HASPIN: variants seen among roughly 807,000 people sequenced by gnomAD.
The protein encoded by HASPIN is serine/threonine-protein kinase haspin.
HASPIN carries 24 observed loss-of-function variants against 28.8 expected under a neutral mutation model. The ratio of observed to expected loss-of-function variants is 0.83; its 90% CI spans 0.60 to 1.17. The LOEUF (loss-of-function observed/expected upper bound fraction) is 1.17. Ranked by LOEUF, HASPIN falls within the 50% of genes most tolerant of loss-of-function variation. HASPIN has a pLI of 0.00. For synonymous variants in HASPIN, 440 were observed against 413.1 expected (o/e 1.07, Z -0.79); for missense variants, 1,016 against 1,018.5 (o/e 1.00, Z 0.03).
chr17:3,726,171 C>A lies in HASPIN; in HGVS notation c.2236C>A (p.His746Asn). The A allele has an allele frequency of 1.2e-6, 2 of 1,614,190 alleles. No homozygotes were observed. The highest frequency in any genetic ancestry group is 1.7e-6 in the Non-Finnish European group (2 of 1,180,032). The change falls in exon 1 of 1, where the codon CAT becomes AAT. Residue 746 changes from histidine (H) to asparagine (N), a missense_variant. Coordinates refer to ENST00000325418, the MANE Select transcript of HASPIN (RefSeq NM_031965.2). Reference sequence around the variant, plus strand: ...CCCTTATAGTAATGTGCTCTGGTTACATTACCTGACAGACAAGATGCTGAA... The same window carrying A: ...CCCTTATAGTAATGTGCTCTGGTTAAATTACCTGACAGACAAGATGCTGAA... Reference protein sequence around the residue: ...YHPYSNVLWLHYLTDKMLKQM... With the variant: ...YHPYSNVLWLNYLTDKMLKQM...
Position 3,724,346 on chromosome 17 carries a change from C to T in HASPIN, c.411C>T (p.Pro137=). Reference sequence around the variant, plus strand: ...CCTGCGGCCCGCTCCGACTTCCGCCCTTCCCCAGCCGCGACTCCGGCCGCC... The same window carrying T: ...CCTGCGGCCCGCTCCGACTTCCGCCTTTCCCCAGCCGCGACTCCGGCCGCC... ...STPCGPLRLP[P]FPSRDSGRLS... Residue 137 remains proline (P), a synonymous_variant, in exon 1 of 1, where the codon CCC becomes CCT. Coordinates refer to ENST00000325418, the MANE Select transcript of HASPIN (RefSeq NM_031965.2). The T allele has an allele frequency of 1.3e-6, 2 of 1,596,434 alleles. No homozygotes were observed. The highest frequency in any genetic ancestry group is 2.2e-5 in the South Asian group (2 of 89,904).
Position 3,725,865 on chromosome 17 carries a change from C to G in HASPIN, c.1930C>G (p.Arg644Gly). ...CCTCGCAGTGGCAGAGGCATCACTG[C>G]GCTTTGAGCACCGAGACTTACACTG... is the stretch of plus-strand genomic sequence containing the variant. ...ASLAVAEASL[R>G]FEHRDLHWGN... The change falls in exon 1 of 1, where the codon CGC becomes GGC. Residue 644 changes from arginine (R) to glycine (G), a missense_variant. This residue lies in a region of HASPIN where 881 missense variants were observed against 845.5 expected (regional missense o/e 1.04). Transcript: ENST00000325418. 1 of 1,599,934 alleles carries G rather than the reference C, an allele frequency of 6.3e-7. No individual in the cohort carries two copies. Among genetic ancestry groups the G allele is most frequent in the African/African-American group, 1.4e-5 (1 of 71,550 alleles).
Position 3,723,950 on chromosome 17 carries a change from C to G in HASPIN, c.15C>G (p.Leu5=). MAAS[L]PGPGSRLFRT... is the part of the protein sequence containing the mutation. The stretch of plus-strand genomic sequence containing the variant: ...GGGTGCCGGCCATGGCGGCTTCGCT[C>G]CCGGGACCTGGGAGCCGGCTTTTCC... The change falls in exon 1 of 1, where the codon CTC becomes CTG. Residue 5 remains leucine (L), a synonymous_variant. Coordinates refer to ENST00000325418, the MANE Select transcript of HASPIN (RefSeq NM_031965.2). 6.4e-7 allele frequency: 1 copy of G among 1,561,368 alleles called. No homozygotes were observed. Among genetic ancestry groups the G allele is most frequent in the Non-Finnish European group, 8.7e-7 (1 of 1,153,014 alleles).
In HASPIN at chr17:3,724,276, G is replaced by C. The variant is rs2143008034; in HGVS notation, c.341G>C (p.Arg114Thr). 6.3e-7 allele frequency: 1 copy of C among 1,589,328 alleles called. No individual in the cohort carries two copies. Among genetic ancestry groups the C allele is most frequent in the African/African-American group, 1.3e-5 (1 of 74,690 alleles). The change falls in exon 1 of 1, where the codon AGA (arginine) becomes ACA (threonine). Residue 114 changes from arginine to threonine, a missense_variant. Coordinates refer to ENST00000325418, the MANE Select transcript of HASPIN (RefSeq NM_031965.2). ...CGCCCAAGCCTAACCGTGACCCCAAGACGCCTGGGGCTGCGAGCTCGGCCC... is the reference window on the plus strand; with the variant it reads ...CGCCCAAGCCTAACCGTGACCCCAACACGCCTGGGGCTGCGAGCTCGGCCC... Reference protein sequence around the residue: ...RARPSLTVTPRRLGLRARPPQ... With the variant: ...RARPSLTVTPTRLGLRARPPQ...
chr17:3,725,703 C>T lies in HASPIN; in HGVS notation c.1768C>T (p.Arg590Trp), dbSNP rs780295707. 1.3e-5 allele frequency: 20 copies of T among 1,574,356 alleles called. No homozygotes were observed. Among genetic ancestry groups the T allele is most frequent in the South Asian group, 2.4e-5 (2 of 84,462 alleles). ...TTCAACCAAAGGCTCTGCAAATGAC[C>T]GGCCTGATTTTTTTAAAGACGACCA... ...YNSTKGSAND[R>W]PDFFKDDQLF... Residue 590 changes from arginine (R) to tryptophan (W), a missense_variant, in exon 1 of 1, where the codon CGG becomes TGG. This residue lies in a region of HASPIN where 881 missense variants were observed against 845.5 expected (regional missense o/e 1.04). Coordinates refer to ENST00000325418, the MANE Select transcript of HASPIN (RefSeq NM_031965.2).
chr17:3,726,552 G>C lies in HASPIN; in HGVS notation c.*220G>C, dbSNP rs1266886299. 1.8e-6 allele frequency: 1 copy of C among 547,856 alleles called. No individual in the cohort carries two copies. Among genetic ancestry groups the C allele is most frequent in the Non-Finnish European group, 3.3e-6 (1 of 306,200 alleles). 33.9% of individuals were successfully genotyped at this position (547,856 alleles called of 1,614,324 possible). ...GTTCTGAAAGAAGTAAACTAGCCGG[G>C]CACAGTGGCGTGCGCCTGTAGTCCC... On this transcript the variant is annotated 3_prime_UTR_variant, in exon 1 of 1. Transcript: ENST00000325418.
At position 3,725,395 on chromosome 17, in the gene HASPIN, G is replaced by C; in HGVS notation, c.1460G>C (p.Cys487Ser). 1 of 1,614,234 alleles carries C rather than the reference G, an allele frequency of 6.2e-7. No homozygotes were observed. The highest frequency in any genetic ancestry group is 8.5e-7 in the Non-Finnish European group (1 of 1,180,038). The change falls in exon 1 of 1, where the codon TGT becomes TCT. Residue 487 changes from cysteine (C) to serine (S), a missense_variant. Physicochemically the swap from Cys to Ser is moderately radical, Grantham distance 112. Coordinates refer to ENST00000325418, the MANE Select transcript of HASPIN (RefSeq NM_031965.2). ...CTTCCCACAGAAAAACTGCAACGCT[G>C]TGAGAAGATTGGGGAAGGGGTGTTT... is the stretch of plus-strand genomic sequence containing the variant. The part of the protein sequence containing the change: ...HCLPTEKLQR[C>S]EKIGEGVFGE...
chr17:3,726,487 G>C lies in HASPIN; in HGVS notation c.*155G>C. ...AGAATTTTGTTTCCAAATGGAAACTGAAATATTTGTTGAAATGTTTAAATT... is the reference window on the plus strand; with the variant it reads ...AGAATTTTGTTTCCAAATGGAAACTCAAATATTTGTTGAAATGTTTAAATT... On this transcript the variant is annotated 3_prime_UTR_variant, in exon 1 of 1. Coordinates refer to ENST00000325418, the MANE Select transcript of HASPIN (RefSeq NM_031965.2). The C allele has an allele frequency of 1.6e-6, 1 of 617,942 alleles. No individual in the cohort carries two copies. Among genetic ancestry groups the C allele is most frequent in the Non-Finnish European group, 2.9e-6 (1 of 342,642 alleles). 38.3% of individuals were successfully genotyped at this position (617,942 alleles called of 1,614,324 possible).
chr17:3,725,267 A>G lies in HASPIN; in HGVS notation c.1332A>G (p.Leu444=), dbSNP rs1438919256. The change falls in exon 1 of 1, where the codon CTA becomes CTG. Residue 444 remains leucine (L), a synonymous_variant. Coordinates refer to ENST00000325418, the MANE Select transcript of HASPIN (RefSeq NM_031965.2). ...GGCACTCCTCCTCTATGTATTTGCT[A>G]AGCCCCTTAAACACTCTAAGTATTT... The part of the protein sequence containing the change: ...SSWHSSSMYL[L]SPLNTLSISN... 1 of 1,614,206 alleles carries G rather than the reference A, an allele frequency of 6.2e-7. No individual in the cohort carries two copies. The highest frequency in any genetic ancestry group is 2.2e-5 in the East Asian group (1 of 44,888).
chr17:3,724,719 G>C lies in HASPIN; in HGVS notation c.784G>C (p.Asp262His). 2 of 1,614,262 alleles carry C rather than the reference G, an allele frequency of 1.2e-6. No individual in the cohort carries two copies. The highest frequency in any genetic ancestry group is 1.7e-6 in the Non-Finnish European group (2 of 1,180,048). ...GTPEDSEFRA[D>H]GKNMRESCCK... ...CCCTGAGGATTCTGAGTTTCGGGCAGATGGGAAGAATATGAGAGAGTCCTG... is the reference window on the plus strand; with the variant it reads ...CCCTGAGGATTCTGAGTTTCGGGCACATGGGAAGAATATGAGAGAGTCCTG... The change falls in exon 1 of 1, where the codon GAT becomes CAT. Residue 262 changes from aspartate to histidine, a missense_variant. Physicochemically the swap from Asp to His is moderately conservative, Grantham distance 81 (BLOSUM62 -1). Coordinates refer to ENST00000325418, the MANE Select transcript of HASPIN (RefSeq NM_031965.2).
In HASPIN at chr17:3,726,422, A is replaced by G; in HGVS notation, c.*90A>G. Reference sequence around the variant, plus strand: ...AACCTCCATCCCCACAGGAGGGTGGAACTCCCATTCTCACAGGTTTCCAGT... The same window carrying G: ...AACCTCCATCCCCACAGGAGGGTGGGACTCCCATTCTCACAGGTTTCCAGT... On this transcript the variant is annotated 3_prime_UTR_variant, in exon 1 of 1. Coordinates refer to ENST00000325418, the MANE Select transcript of HASPIN (RefSeq NM_031965.2). 1 of 836,366 alleles carries G rather than the reference A, an allele frequency of 1.2e-6. No homozygotes were observed. The highest frequency in any genetic ancestry group is 1.9e-6 in the Non-Finnish European group (1 of 524,316). 51.8% of individuals were successfully genotyped at this position (836,366 alleles called of 1,614,324 possible). A position where few individuals can be genotyped will look rare whatever the true frequency, so the allele number is the denominator to read the frequency against.
rs2051159151 is a variant in HASPIN at position 3,724,525 on chromosome 17, C to A, written c.590C>A (p.Ala197Glu). 1.2e-6 allele frequency: 2 copies of A among 1,613,908 alleles called. No homozygotes were observed. The highest frequency in any genetic ancestry group is 2.7e-5 in the African/African-American group (2 of 74,922). ...ISIGTSACLV[A>E]ASAVPSGLHL... ...ATCGGCACCTCCGCCTGTCTGGTTG[C>A]AGCCTCAGCCGTCCCGAGCGGCCTC... The change falls in exon 1 of 1, where the codon GCA (alanine) becomes GAA (glutamate). Residue 197 changes from alanine (A) to glutamate (E), a missense_variant. Physicochemically the swap from Ala to Glu is moderately radical, Grantham distance 107. Around this residue, in one of 3 missense-constraint regions of HASPIN, gnomAD observed 881 missense variants for 845.5 expected, o/e 1.04. Transcript: ENST00000325418.
rs2051178263 is a variant in HASPIN at position 3,725,179 on chromosome 17, C to T, written c.1244C>T (p.Ser415Phe). ...IYTTATSLSGSLLSECSNRPV... is the reference protein window; with the variant it reads ...IYTTATSLSGFLLSECSNRPV... Reference sequence around the variant, plus strand: ...ACCACTGCCACTTCTCTCTCTGGATCCCTCCTATCAGAATGTTCAAACCGG... The same window carrying T: ...ACCACTGCCACTTCTCTCTCTGGATTCCTCCTATCAGAATGTTCAAACCGG... The change falls in exon 1 of 1, where the codon TCC becomes TTC. Residue 415 changes from serine (S) to phenylalanine (F), a missense_variant. Physicochemically the swap from Ser to Phe is radical, Grantham distance 155 (BLOSUM62 -2). Coordinates refer to ENST00000325418, the MANE Select transcript of HASPIN (RefSeq NM_031965.2). 8 of 1,614,170 alleles carry T rather than the reference C, an allele frequency of 5.0e-6. No individual in the cohort carries two copies. Among genetic ancestry groups the T allele is most frequent in the African/African-American group, 1.3e-5 (1 of 75,048 alleles).
In HASPIN at chr17:3,725,329, G is replaced by A. The variant is rs774562274; in HGVS notation, c.1394G>A (p.Gly465Glu). The change falls in exon 1 of 1, where the codon GGG (glycine) becomes GAG (glutamate). Residue 465 changes from glycine to glutamate, a missense_variant. Gly to Glu is a moderately conservative substitution (Grantham distance 98). Transcript: ENST00000325418. ...GCATCTGATGCTGAAAAGGTTTATGGGGAATGCAGTCAGAAGGGTCCTGTC... is the reference window on the plus strand; with the variant it reads ...GCATCTGATGCTGAAAAGGTTTATGAGGAATGCAGTCAGAAGGGTCCTGTC... ...KKASDAEKVYGECSQKGPVPF... is the reference protein window; with the variant it reads ...KKASDAEKVYEECSQKGPVPF... The A allele has an allele frequency of 6.8e-6, 11 of 1,614,048 alleles. No homozygotes were observed. The highest frequency in any genetic ancestry group is 9.3e-6 in the Non-Finnish European group (11 of 1,180,030).
In HASPIN at chr17:3,724,706, T is replaced by C; in HGVS notation, c.771T>C (p.Ser257=). Residue 257 remains serine (S), a synonymous_variant, in exon 1 of 1, where the codon TCT becomes TCC. Coordinates refer to ENST00000325418, the MANE Select transcript of HASPIN (RefSeq NM_031965.2). ...TGAACTCAGGAACCCCTGAGGATTC[T>C]GAGTTTCGGGCAGATGGGAAGAATA... ...GLMNSGTPED[S]EFRADGKNMR... 1 of 1,614,226 alleles carries C rather than the reference T, an allele frequency of 6.2e-7. No homozygotes were observed. The highest frequency in any genetic ancestry group is 8.5e-7 in the Non-Finnish European group (1 of 1,180,042).
Position 3,723,935 on chromosome 17 carries a change from C to T in HASPIN, c.-1C>T, listed in dbSNP as rs753184115. On this transcript the variant is annotated 5_prime_UTR_variant, in exon 1 of 1. Coordinates refer to ENST00000325418, the MANE Select transcript of HASPIN (RefSeq NM_031965.2). Reference sequence around the variant, plus strand: ...TTTGAACCTCTTGGCGGGTGCCGGCCATGGCGGCTTCGCTCCCGGGACCTG... The same window carrying T: ...TTTGAACCTCTTGGCGGGTGCCGGCTATGGCGGCTTCGCTCCCGGGACCTG... The T allele has an allele frequency of 6.5e-7, 1 of 1,550,098 alleles. No individual in the cohort carries two copies. Among genetic ancestry groups the T allele is most frequent in the African/African-American group, 1.4e-5 (1 of 72,522 alleles).
rs780570031 is a variant in HASPIN, at chr17:3,724,464, C to T, written c.529C>T (p.Pro177Ser). 1.1e-5 allele frequency: 18 copies of T among 1,613,748 alleles called. No individual in the cohort carries two copies. The highest frequency in any genetic ancestry group is 1.4e-5 in the Non-Finnish European group (16 of 1,180,030). Residue 177 changes from proline (P) to serine (S), a missense_variant, in exon 1 of 1, where the codon CCC (proline) becomes TCC (serine). This residue lies in a region of HASPIN where 881 missense variants were observed against 845.5 expected (regional missense o/e 1.04). Transcript: ENST00000325418. ...GTTCAGCTCTCTGGCCTCGCCCTGC[C>T]CCGGGTCCCCAACGCCAAGGGACAG... ...SLFSSLASPCPGSPTPRDSVI... is the reference protein window; with the variant it reads ...SLFSSLASPCSGSPTPRDSVI...
Position 3,725,502 on chromosome 17 carries a change from GGA to G in HASPIN, c.1568_1569del (p.Gly523ValfsTer7). 1 of 1,614,172 alleles carries G rather than the reference GGA, an allele frequency of 6.2e-7. No individual in the cohort carries two copies. ...IAIEGPDLVN[G>X]SHQKTFEEIL... Reference sequence around the variant, plus strand: ...TATTGAAGGACCAGATTTAGTCAATGGATCCCATCAGAAAACCTTTGAGGAAA... The same window carrying G: ...TATTGAAGGACCAGATTTAGTCAATGTCCCATCAGAAAACCTTTGAGGAAA... On this transcript the variant is annotated frameshift_variant, in exon 1 of 1. Transcript: ENST00000325418. LOFTEE classifies it high-confidence loss of function.
Position 3,726,024 on chromosome 17 carries a change from G to T in HASPIN, c.2089G>T (p.Gly697Trp). The T allele has an allele frequency of 6.2e-7, 1 of 1,614,134 alleles. No homozygotes were observed. The highest frequency in any genetic ancestry group is 8.5e-7 in the Non-Finnish European group (1 of 1,180,042). ...CACCCTGTCGCGCTTGGAACGGGAT[G>T]GGATTGTGGTTTTCTGTGACGTTTC... ...DYTLSRLERD[G>W]IVVFCDVSMD... is the part of the protein sequence containing the mutation. The change falls in exon 1 of 1, where the codon GGG becomes TGG. Residue 697 changes from glycine to tryptophan, a missense_variant. Physicochemically the swap from Gly to Trp is radical, Grantham distance 184 (BLOSUM62 -2). Coordinates refer to ENST00000325418, the MANE Select transcript of HASPIN (RefSeq NM_031965.2).
Sources: allele counts gnomAD v4.1 joint callset, GRCh38; gene constraint gnomAD v4.1.1; regional missense constraint gnomAD v4.1.1; transcripts MANE v1.5; gene names NCBI Gene and HGNC (gene_info 2026-07-23, HGNC 2026-07-21).